The following DSCAM variants were observed in gnomAD, a reference collection of about 807,000 sequenced individuals.
DSCAM encodes cell adhesion molecule DSCAM.
In DSCAM, 47 loss-of-function variants were observed where a neutral mutation model predicts 217.7. The ratio of observed to expected loss-of-function variants is 0.22; its 90% confidence interval spans 0.17 to 0.28. The LOEUF is 0.28. DSCAM is among the 10% of genes least tolerant of loss of function. The probability of loss-of-function intolerance (pLI) is 1.00; values close to 1 mark genes in which losing one functional copy is unlikely to be tolerated. For missense variants in DSCAM, 2,080 were observed against 2,618.3 expected (o/e 0.79, Z 4.49); for synonymous variants, 1,056 against 1,015.3 (o/e 1.04, Z -0.76).
chr21:40,791,243 C>T (rs906019731), intron 1 of DSCAM, among the ~76,000 whole-genome samples: 6 of 152,092 alleles, frequency 3.9e-5, no homozygotes, highest in African/African-American at 9.7e-5. Context: ...CACGTGGACA[C>T]GGCTGGATGG....
rs578222091 is a variant in DSCAM, at chr21:40,232,366, C to T, written c.2357-43128G>A. Among the ~76,000 whole-genome samples, 20 of 152,226 alleles carry T rather than the reference C, an allele frequency of 1.3e-4. 1 individual carries two copies. The highest frequency in any genetic ancestry group is 4.2e-4 in the South Asian group (2 of 4,818). On this transcript the variant is annotated intron_variant, in intron 11 of 32. Coordinates refer to ENST00000400454, the MANE Select transcript of DSCAM (RefSeq NM_001389.5). ...GACAGATAATAAATGTATGAATCTA[C>T]GGAGCATGGGGTATGATAGACCCAT...
At chr21:40,571,949 T>C (rs1568913372) in intron 3 of DSCAM, among the ~76,000 whole-genome samples, 2 of 152,190 alleles carry the variant, frequency 1.3e-5, no homozygotes, top group South Asian at 4.1e-4. Context: ...CATTGGAGAA[T>C]TGCACATTTC....
Position 40,113,667 on chromosome 21 carries a change from C to A in DSCAM, c.3696+10528G>T, listed in dbSNP as rs1351896788. On this transcript the variant is annotated intron_variant, in intron 20 of 32. Coordinates refer to ENST00000400454, the MANE Select transcript of DSCAM (RefSeq NM_001389.5). Reference sequence around the variant, plus strand: ...TGATTGTATATCTAGAAAACCCCATCGTCTCAGCCCAAAATCTCCTTAAGC... The same window carrying A: ...TGATTGTATATCTAGAAAACCCCATAGTCTCAGCCCAAAATCTCCTTAAGC... Among the ~76,000 whole-genome samples the A allele has an allele frequency of 2.0e-5, 3 of 150,858 alleles. No homozygotes were observed. In the East Asian group the frequency reaches 5.8e-4, roughly 29 times the overall value.
At chr21:40,773,582 C>T (rs192371114) in intron 1 of DSCAM, among the ~76,000 whole-genome samples, 5 of 152,314 alleles carry the variant, frequency 3.3e-5, no homozygotes, top group Admixed American at 1.3e-4. Flanking sequence ...CAGGAGAACA[C>T]GAATGTTTGG....
At chr21:40,842,369 T>A (rs555465787) in intron 1 of DSCAM, among the ~76,000 whole-genome samples, 1 of 152,376 alleles carries the variant, frequency 6.6e-6, no homozygotes, top group East Asian at 1.9e-4. Flanking sequence ...TACTATTGAA[T>A]GCACTGCCTA....
At chr21:40,124,078 A>G in intron 20 of DSCAM, 117 bp downstream of exon 20, 1 of 1,446,982 alleles carries the variant, frequency 6.9e-7, no homozygotes, top group Non-Finnish European at 9.5e-7. Context: ...GGGCAAAACA[A>G]AACCACTGGA....
intron 3 of DSCAM, among the ~76,000 whole-genome samples, chr21:40,398,674 C>T (rs917796104): frequency 1.3e-5 from 2 of 149,414 alleles, no homozygotes; most frequent in African/African-American, 4.9e-5. Context: ...CTCACTCTGC[C>T]GCCAGGCTGG....
At chr21:40,738,767 C>T (rs1041166004) in intron 1 of DSCAM, among the ~76,000 whole-genome samples, 9 of 152,230 alleles carry the variant, frequency 5.9e-5, no homozygotes, top group African/African-American at 2.2e-4. Flanking sequence ...GGGGACCACA[C>T]TTGGAGAAGC....
At chr21:40,804,387 C>T (rs2091768361) in intron 1 of DSCAM, among the ~76,000 whole-genome samples, 1 of 152,198 alleles carries the variant, frequency 6.6e-6, no homozygotes, top group South Asian at 2.1e-4. Context: ...TCCTGTTCCT[C>T]CTGGACCCTT....
chr21:40,681,615 A>T lies in DSCAM; in HGVS notation c.508+11195T>A, dbSNP rs77813825. ...AAATAAAGAATTGGAAGAATTTGTA[A>T]TCATAGTGGGTTAAATAGCTTCCCC... On this transcript the variant is annotated intron_variant, in intron 3 of 32. Transcript: ENST00000400454. 4.0e-3 allele frequency among the ~76,000 whole-genome samples: 609 copies of T among 152,144 alleles called. 20 individuals carry two copies. In the East Asian group the frequency reaches 0.092, roughly 23 times the overall value.
chr21:40,600,631 C>A (rs985231425), intron 3 of DSCAM, among the ~76,000 whole-genome samples: 2 of 152,090 alleles, frequency 1.3e-5, no homozygotes, highest in African/African-American at 4.8e-5. Context: ...CCTATATTAT[C>A]TTTTAGTAGT....
intron 30 of DSCAM, among the ~76,000 whole-genome samples, chr21:40,047,575 T>TA (rs562482457): frequency 9.1e-4 from 139 of 152,296 alleles, no homozygotes; most frequent in African/African-American, 3.2e-3. Context: ...GAGAGAGGAT[T>TA]TTGTAGATAA....
At chr21:40,841,291 G>A (rs1000175583) in intron 1 of DSCAM, among the ~76,000 whole-genome samples, 11 of 152,072 alleles carry the variant, frequency 7.2e-5, no homozygotes, top group Admixed American at 5.9e-4. Flanking sequence ...AAACATCCGT[G>A]TGCTCCACCC....
chr21:40,195,456 T>C (rs898435014), intron 11 of DSCAM, among the ~76,000 whole-genome samples: 2 of 152,200 alleles, frequency 1.3e-5, no homozygotes, highest in African/African-American at 4.8e-5. Context: ...TTTCATTTTA[T>C]AGAGAAGAAA....
intron 3 of DSCAM, among the ~76,000 whole-genome samples, chr21:40,401,397 A>AT (rs112983603): frequency 0.62 from 93,786 of 151,522 alleles, 29,332 homozygotes; most frequent in African/African-American, 0.71. Flanking sequence ...ATAAAATTGG[A>AT]TTTTTTTTTC....
chr21:40,842,147 G>A (rs1241166449), intron 1 of DSCAM, among the ~76,000 whole-genome samples: 1 of 152,204 alleles, frequency 6.6e-6, no homozygotes, highest in Non-Finnish European at 1.5e-5. Context: ...AGTGTCCTAT[G>A]GCGGGGACAC....
chr21:40,780,398 CGT>C lies in DSCAM; in HGVS notation c.43+66219_43+66220del, dbSNP rs140268971. On this transcript the variant is annotated intron_variant, in intron 1 of 32. Coordinates refer to ENST00000400454, the MANE Select transcript of DSCAM (RefSeq NM_001389.5). ...TGCCTCACCTATTTCCAAATATAAA[CGT>C]GTGTGTGTGTGTGTGTGTGTGTGTA... Among the ~76,000 whole-genome samples the C allele has an allele frequency of 2.2e-3, 237 of 108,342 alleles. 2 individuals are homozygous for C. The highest frequency in any genetic ancestry group is 5.2e-3 in the East Asian group (18 of 3,438). The allele number at this position is 108,342 out of a possible 152,430, so 71.1% of individuals were successfully genotyped here. A position where few individuals can be genotyped will look rare whatever the true frequency, so the allele number is the denominator to read the frequency against.
rs2088153730 is a variant in DSCAM at position 40,016,146 on chromosome 21, GGA to G, written c.5687-2762_5687-2761del. 6.6e-6 allele frequency among the ~76,000 whole-genome samples: 1 copy of G among 152,170 alleles called. No individual in the cohort carries two copies. The highest frequency in any genetic ancestry group is 6.6e-5 in the Admixed American group (1 of 15,264). On this transcript the variant is annotated intron_variant, in intron 32 of 32. Transcript: ENST00000400454. This position sits in a 1 kb window ranked among gnomAD's most constrained non-coding sequence, Gnocchi z 4.3. ...AGGGCCCAGGGTAAAGGATGTGCAG[GGA>G]GAGAGATATGATGATGGTCTGAGCT...
intron 19 of DSCAM, among the ~76,000 whole-genome samples, chr21:40,125,628 T>C (rs1374543343): frequency 6.6e-6 from 1 of 152,212 alleles, no homozygotes; most frequent in Non-Finnish European, 1.5e-5. Context: ...GGGTTGGACA[T>C]AGTCACCATT....
Sources: allele counts gnomAD v4.1 joint callset (sites outside exome capture counted in the v4.1 genomes callset), GRCh38; gene constraint gnomAD v4.1.1; non-coding constraint Gnocchi (gnomAD v3.1); transcripts MANE v1.5; gene names NCBI Gene and HGNC (gene_info 2026-07-23, HGNC 2026-07-21).